Variants in ACTN4 observed in about 807,000 individuals in gnomAD.
ACTN4 encodes the protein alpha-actinin-4.
ACTN4 carries 18 observed loss-of-function variants against 114.2 expected under a neutral mutation model. The ratio of observed to expected loss-of-function variants is 0.16; its 90% CI spans 0.11 to 0.23. The LOEUF (loss-of-function observed/expected upper bound fraction) is 0.23, where lower values mean the gene tolerates loss of function less well. ACTN4 is among the 10% of genes least tolerant of loss of function. The pLI is 1.00. For missense variants in ACTN4, 722 were observed against 1,262.9 expected (o/e 0.57, Z 6.49); for synonymous variants, 515 against 506.3 (o/e 1.02, Z -0.23).
intron 11 of ACTN4, among the ~76,000 whole-genome samples, chr19:38,720,934 G>C (rs1969018118): frequency 1.3e-5 from 2 of 152,236 alleles, no homozygotes. Context: ...CTTGAGCTTT[G>C]GTTCTGGGAT....
chr19:38,663,990 G>T (rs1976972081), intron 1 of ACTN4, among the ~76,000 whole-genome samples: 1 of 152,224 alleles, frequency 6.6e-6, no homozygotes, highest in Non-Finnish European at 1.5e-5. Context: ...CCCAAGCCCT[G>T]TGTCTCAGCC....
intron 1 of ACTN4, among the ~76,000 whole-genome samples, chr19:38,659,125 A>G (rs914368205): frequency 7.6e-6 from 1 of 132,110 alleles, no homozygotes; most frequent in African/African-American, 2.8e-5. Context: ...TAGTGGTGCA[A>G]TCTCGGCTCA....
At position 38,717,037 on chromosome 19, in the gene ACTN4, C is replaced by T. The variant is rs1257525676; in HGVS notation, c.913-49C>T. On this transcript the variant is annotated intron_variant, in intron 9 of 20. Coordinates refer to ENST00000252699, the MANE Select transcript of ACTN4 (RefSeq NM_004924.6). The surrounding 1 kb of genome is among the most constrained non-coding windows in gnomAD (Gnocchi z 4.0). ...CATAAGCTGGGGGGCAGCCCGTCAGCACTCTGAGGGTCCCCCACAAAGGCC... is the reference window on the plus strand; with the variant it reads ...CATAAGCTGGGGGGCAGCCCGTCAGTACTCTGAGGGTCCCCCACAAAGGCC... The T allele has an allele frequency of 5.1e-6, 8 of 1,568,494 alleles. No individual in the cohort carries two copies. Among genetic ancestry groups the T allele is most frequent in the Non-Finnish European group, 6.9e-6 (8 of 1,152,930 alleles).
intron 8 of ACTN4, among the ~76,000 whole-genome samples, chr19:38,710,649 G>A (rs118045767): frequency 6.6e-6 from 1 of 152,316 alleles, no homozygotes; most frequent in East Asian, 1.9e-4. Context: ...CACAGGAGTG[G>A]AATAGAGAAA....
chr19:38,728,939 T>C, intron 19 of ACTN4, 57 bp from the exon 20 acceptor site: 1 of 1,600,998 alleles, frequency 6.2e-7, no homozygotes. Flanking sequence ...AGTGTGGGCC[T>C]GGCTGCCCCT....
At chr19:38,658,399 A>T (rs1326142074) in intron 1 of ACTN4, among the ~76,000 whole-genome samples, 1 of 152,174 alleles carries the variant, frequency 6.6e-6, no homozygotes, top group Non-Finnish European at 1.5e-5. Flanking sequence ...TAAATTTCCC[A>T]CAAATCCCAA....
intron 2 of ACTN4, 128 bp from the exon 3 acceptor site, chr19:38,700,874 C>T (rs1446981533): frequency 2.1e-6 from 3 of 1,447,652 alleles, no homozygotes; most frequent in African/African-American, 1.4e-5. Flanking sequence ...GCCAGAGTGG[C>T]CTGGTGGGCC....
intron 1 of ACTN4, among the ~76,000 whole-genome samples, chr19:38,666,056 C>T (rs760194861): frequency 1.3e-5 from 2 of 152,110 alleles, no homozygotes; most frequent in African/African-American, 4.8e-5. Context: ...CAGCTGCCGA[C>T]CTGGAACGTG....
In ACTN4 at chr19:38,721,606, C is replaced by T; in HGVS notation, c.1360C>T (p.Arg454Cys). 1 of 1,614,120 alleles carries T rather than the reference C, an allele frequency of 6.2e-7. No homozygotes were observed. Among genetic ancestry groups the T allele is most frequent in the Non-Finnish European group, 8.5e-7 (1 of 1,180,046 alleles). ...ACTATCGGACATCAAAGCCCTCATT[C>T]GCAAGCACGAGGCCTTCGAGAGCGA... Reference protein sequence around the residue: ...ATLSDIKALIRKHEAFESDLA... With the variant: ...ATLSDIKALICKHEAFESDLA... The change falls in exon 12 of 21, where the codon CGC becomes TGC. Residue 454 changes from arginine (R) to cysteine (C), a missense_variant. Physicochemically the swap from Arg to Cys is radical, Grantham distance 180. Coordinates refer to ENST00000252699, the MANE Select transcript of ACTN4 (RefSeq NM_004924.6).
At chr19:38,719,424 C>T (rs1968960145) in intron 11 of ACTN4, among the ~76,000 whole-genome samples, 1 of 152,266 alleles carries the variant, frequency 6.6e-6, no homozygotes, top group Non-Finnish European at 1.5e-5. Context: ...TTGTGCCCTC[C>T]TCACATGAGC....
At chr19:38,712,981 G>A (rs928705418) in intron 8 of ACTN4, among the ~76,000 whole-genome samples, 14 of 152,200 alleles carry the variant, frequency 9.2e-5, no homozygotes, top group South Asian at 4.1e-4. Flanking sequence ...GTGGAGGCCC[G>A]GCTGCAGGGC....
intron 16 of ACTN4, 141 bp from the exon 17 acceptor site, chr19:38,725,583 T>A (rs891477535): frequency 5.8e-6 from 5 of 859,898 alleles, no homozygotes; most frequent in Non-Finnish European, 9.1e-6. Context: ...GGGCCTTCCC[T>A]CCCAGGGACC....
intron 1 of ACTN4, among the ~76,000 whole-genome samples, chr19:38,690,183 T>A (rs1206235932): frequency 2.0e-5 from 3 of 152,176 alleles, no homozygotes; most frequent in Non-Finnish European, 2.9e-5. Context: ...GTATGGAAGC[T>A]CTGTTTTCAC....
intron 1 of ACTN4, among the ~76,000 whole-genome samples, chr19:38,699,906 G>T (rs1968213196): frequency 6.6e-6 from 1 of 152,174 alleles, no homozygotes; most frequent in African/African-American, 2.4e-5. Flanking sequence ...GCCTTTCCTG[G>T]GAGGGCTTGC....
chr19:38,648,751 A>G (rs1451435660), intron 1 of ACTN4, among the ~76,000 whole-genome samples: 1 of 151,852 alleles, frequency 6.6e-6, no homozygotes, highest in Non-Finnish European at 1.5e-5. Flanking sequence ...TGAGGGATGG[A>G]GAAGCCGAAG....
At chr19:38,651,982 C>T (rs1012976287) in intron 1 of ACTN4, among the ~76,000 whole-genome samples, 1 of 152,152 alleles carries the variant, frequency 6.6e-6, no homozygotes, top group Non-Finnish European at 1.5e-5. Flanking sequence ...GATCCGCCTG[C>T]CTCGGCCTCC....
intron 1 of ACTN4, among the ~76,000 whole-genome samples, chr19:38,667,228 T>C (rs181644338): frequency 1.3e-5 from 2 of 152,310 alleles, no homozygotes; most frequent in Admixed American, 6.5e-5. Flanking sequence ...GCAAACAGTA[T>C]TGGTGACCCT....
At chr19:38,653,665 C>T (rs1157249433) in intron 1 of ACTN4, among the ~76,000 whole-genome samples, 2 of 152,182 alleles carry the variant, frequency 1.3e-5, no homozygotes, top group Non-Finnish European at 2.9e-5. Context: ...CATTTTGTTC[C>T]CTTCCCTCAG....
chr19:38,731,189 G>A lies in ACTN4; in HGVS notation c.*1757G>A, dbSNP rs147535776. 28 of 1,612,806 alleles carry A rather than the reference G, an allele frequency of 1.7e-5. No individual in the cohort carries two copies. Among genetic ancestry groups the A allele is most frequent in the Admixed American group, 6.7e-5 (4 of 60,002 alleles). ...GACGGCTATCCCGGTAGCGGCTGGTGAGGGTCTGGGTCAGCTGGTTGTTCA... is the reference window on the plus strand; with the variant it reads ...GACGGCTATCCCGGTAGCGGCTGGTAAGGGTCTGGGTCAGCTGGTTGTTCA... On this transcript the variant is annotated 3_prime_UTR_variant, in exon 21 of 21. Coordinates refer to ENST00000252699, the MANE Select transcript of ACTN4 (RefSeq NM_004924.6).
Sources: allele counts gnomAD v4.1 joint callset (sites outside exome capture counted in the v4.1 genomes callset), GRCh38; gene constraint gnomAD v4.1.1; non-coding constraint Gnocchi (gnomAD v3.1); transcripts MANE v1.5; gene names NCBI Gene and HGNC (gene_info 2026-07-23, HGNC 2026-07-21).